Variants in CLK4 observed in about 807,000 individuals in gnomAD.
CLK4 encodes dual specificity protein kinase CLK4.
A neutral mutation model predicts 64.4 loss-of-function variants in CLK4; 37 were observed. That is an observed-to-expected ratio of 0.57 (90% CI 0.44 to 0.76). The LOEUF is 0.76. Ranked by LOEUF, CLK4 falls within the 30% of genes least tolerant of loss-of-function variation. CLK4 has a pLI of 0.00. For missense variants in CLK4, 457 were observed against 605.1 expected, an observed-to-expected ratio of 0.76 and a Z score of 2.57; for synonymous variants, 175 against 191.6, an observed-to-expected ratio of 0.91 and a Z score of 0.72.
At chr5:178,618,362 G>A (rs971098729) in intron 3 of CLK4, 194 bp downstream of exon 3, 49 of 221,556 alleles carry the variant, frequency 2.2e-4, no homozygotes, top group African/African-American at 1.1e-3. Flanking sequence ...GCAAATGAGG[G>A]CTAGCTAATA....
At chr5:178,619,733 G>A in intron 2 of CLK4, 1 of 1,244,382 alleles carries the variant, frequency 8.0e-7, no homozygotes, top group Non-Finnish European at 1.0e-6. Context: ...AATTTCAAAG[G>A]TCATGGGCCT....
chr5:178,615,242 TC>T (rs1467990583), intron 5 of CLK4, among the ~76,000 whole-genome samples: 2 of 152,196 alleles, frequency 1.3e-5, no homozygotes, highest in Non-Finnish European at 2.9e-5. Flanking sequence ...ACTTAGACTT[TC>T]AAGAAATTCT....
Position 178,603,476 on chromosome 5 carries a change from T to C in CLK4, c.*141A>G, listed in dbSNP as rs1248791967. The C allele has an allele frequency of 7.8e-6, 4 of 513,436 alleles. No homozygotes were observed. The Admixed American group carries it at 1.2e-4, about 15-fold the overall frequency. 31.8% of individuals were successfully genotyped at this position (513,436 alleles called of 1,614,324 possible). ...CTTGCTTAACAAGTTAATTATGCTA[T>C]TGATACAAAACATACAATATTTACA... On this transcript the variant is annotated 3_prime_UTR_variant, in exon 13 of 13. Transcript: ENST00000316308.
chr5:178,607,668 G>A (rs977414092), intron 10 of CLK4, among the ~76,000 whole-genome samples: 2 of 151,462 alleles, frequency 1.3e-5, no homozygotes. Context: ...CCGCCACCAC[G>A]CCCAGCTAAT....
chr5:178,622,439 T>C (rs564920506), intron 2 of CLK4: 154 of 986,530 alleles, frequency 1.6e-4, no homozygotes, highest in Non-Finnish European at 1.8e-4. Context: ...AGCAATCTGG[T>C]AAACAGTCCC....
At chr5:178,611,172 G>GA (rs891185833) in intron 9 of CLK4, among the ~76,000 whole-genome samples, 3 of 151,948 alleles carry the variant, frequency 2.0e-5, no homozygotes, top group African/African-American at 7.2e-5. Context: ...CAATAACAAA[G>GA]AAAAAATGCC....
rs754626384 is a variant in CLK4, at chr5:178,616,911, G to C, written c.513C>G (p.Gly171=). The C allele has an allele frequency of 4.5e-5, 73 of 1,613,814 alleles. No homozygotes were observed. Among genetic ancestry groups the C allele is most frequent in the Non-Finnish European group, 5.8e-5 (69 of 1,179,798 alleles). Reference sequence around the variant, plus strand: ...CATGATCAATGCACTCTACAACTTTGCCAAAGGCTCCTTCACCCAAAGTGT... The same window carrying C: ...CATGATCAATGCACTCTACAACTTTCCCAAAGGCTCCTTCACCCAAAGTGT... ...IVDTLGEGAF[G]KVVECIDHGM... Residue 171 remains glycine (G), a synonymous_variant, in exon 5 of 13, where the codon GGC becomes GGG. Transcript: ENST00000316308.
Position 178,619,726 on chromosome 5 carries a change from T to A in CLK4, c.162-948A>T, listed in dbSNP as rs1377821324. ...ACATAAACAAAACTTGGCAAGGAAT[T>A]TCAAAGGTCATGGGCCTCAGGATGT... On this transcript the variant is annotated intron_variant, in intron 2 of 12. Transcript: ENST00000316308. The A allele has an allele frequency of 3.3e-6, 4 of 1,206,026 alleles. No homozygotes were observed. The Admixed American group carries it at 1.1e-4, about 32-fold the overall frequency. 74.7% of individuals were successfully genotyped at this position (1,206,026 alleles called of 1,614,324 possible). A position where few individuals can be genotyped will look rare whatever the true frequency, so the allele number is the denominator to read the frequency against.
At chr5:178,620,142 T>C (rs1764689845) in intron 2 of CLK4, 3 of 300,358 alleles carry the variant, frequency 1.0e-5, no homozygotes, top group Admixed American at 3.9e-5. Flanking sequence ...TCTCTTTCCC[T>C]AGCATCAGCT....
chr5:178,604,110 C>T (rs985897178), intron 11 of CLK4, 176 bp from the exon 12 acceptor site: 36 of 447,630 alleles, frequency 8.0e-5, no homozygotes, highest in African/African-American at 7.1e-4. Flanking sequence ...CACCTCATAT[C>T]CTCCACCCTG....
At chr5:178,616,678 C>G (rs575865664) in intron 5 of CLK4, among the ~76,000 whole-genome samples, 14 of 152,170 alleles carry the variant, frequency 9.2e-5, no homozygotes, top group African/African-American at 2.7e-4. Context: ...CTCCTGTAAT[C>G]CCAGCTACTT....
chr5:178,617,170 T>C lies in CLK4; in HGVS notation c.475+174A>G. ...AATTCCACTGATTATTTTGGAACTT[T>C]AGAATAGAAATATTTAAATTCTACA... On this transcript the variant is annotated intron_variant, in intron 4 of 12. Transcript: ENST00000316308. The surrounding 1 kb of genome is among the most constrained non-coding windows in gnomAD (Gnocchi z 5.2). 1 of 647,468 alleles carries C rather than the reference T, an allele frequency of 1.5e-6. No homozygotes were observed. The highest frequency in any genetic ancestry group is 2.7e-6 in the Non-Finnish European group (1 of 373,206). The allele number at this position is 647,468 out of a possible 1,614,324, so 40.1% of individuals were successfully genotyped here. A position where few individuals can be genotyped will look rare whatever the true frequency, so the allele number is the denominator to read the frequency against.
In CLK4 at chr5:178,623,346, C is replaced by A; in HGVS notation, c.71G>T (p.Arg24Leu). 6.2e-7 allele frequency: 1 copy of A among 1,614,078 alleles called. No individual in the cohort carries two copies. The highest frequency in any genetic ancestry group is 2.2e-5 in the East Asian group (1 of 44,874). ...SRESWGHESY[R>L]GSHKRKRRSH... ...TCTCCTCTTCCGCTTGTGACTTCCA[C>A]GATAGCTTTCATGTCCCCAGCTTTC... is the stretch of plus-strand genomic sequence containing the variant. The change falls in exon 2 of 13, where the codon CGT becomes CTT. Residue 24 changes from arginine (R) to leucine (L), a missense_variant. By Grantham distance (102) the Arg-to-Leu change is moderately radical. Coordinates refer to ENST00000316308, the MANE Select transcript of CLK4 (RefSeq NM_020666.3).
chr5:178,624,903 C>T (rs1218636374), intron 1 of CLK4, among the ~76,000 whole-genome samples: 1 of 152,132 alleles, frequency 6.6e-6, no homozygotes, highest in African/African-American at 2.4e-5. Context: ...TGATTGCCAC[C>T]AGATAGTCAG....
At chr5:178,606,146 T>C (rs1445621543) in intron 10 of CLK4, among the ~76,000 whole-genome samples, 1 of 152,254 alleles carries the variant, frequency 6.6e-6, no homozygotes, top group African/African-American at 2.4e-5. Context: ...TTTAAGAGTA[T>C]TTTGCAGGGT....
In CLK4 at chr5:178,617,532, T is replaced by A; in HGVS notation, c.385-98A>T. 1 of 1,220,608 alleles carries A rather than the reference T, an allele frequency of 8.2e-7. No homozygotes were observed. The highest frequency in any genetic ancestry group is 1.1e-6 in the Non-Finnish European group (1 of 869,732). 75.6% of individuals were successfully genotyped at this position (1,220,608 alleles called of 1,614,324 possible). ...CGCAATTCATTCAGCGGGGAGATATTCAGGCATTCAGATAAGCACCAGGCC... is the reference window on the plus strand; with the variant it reads ...CGCAATTCATTCAGCGGGGAGATATACAGGCATTCAGATAAGCACCAGGCC... On this transcript the variant is annotated intron_variant, in intron 3 of 12. Coordinates refer to ENST00000316308, the MANE Select transcript of CLK4 (RefSeq NM_020666.3). The surrounding 1 kb of genome is among the most constrained non-coding windows in gnomAD (Gnocchi z 5.2).
At chr5:178,626,639 G>T (rs1372710580) in intron 1 of CLK4, among the ~76,000 whole-genome samples, 1 of 152,246 alleles carries the variant, frequency 6.6e-6, no homozygotes, top group African/African-American at 2.4e-5. Context: ...AGCGCCCGCC[G>T]GCTGGAAGAG....
chr5:178,623,441 T>C, intron 1 of CLK4, 25 bp from the exon 2 acceptor site: 1 of 1,596,052 alleles, frequency 6.3e-7, no homozygotes, highest in Non-Finnish European at 8.5e-7. Flanking sequence ...GAAAAGGGAA[T>C]TGTGGAGGTT....
chr5:178,622,872 A>T, intron 2 of CLK4: 1 of 224,384 alleles, frequency 4.5e-6, no homozygotes, highest in South Asian at 5.7e-5. Flanking sequence ...TGAGCACTAC[A>T]ACATACCCAT....
Sources: allele counts gnomAD v4.1 joint callset (sites outside exome capture counted in the v4.1 genomes callset), GRCh38; gene constraint gnomAD v4.1.1; non-coding constraint Gnocchi (gnomAD v3.1); transcripts MANE v1.5; gene names NCBI Gene and HGNC (gene_info 2026-07-23, HGNC 2026-07-21).